The following SMARCC1 variants were observed in gnomAD, a reference collection of about 807,000 sequenced individuals.
The protein encoded by SMARCC1 is SWI/SNF complex subunit SMARCC1.
A neutral mutation model predicts 147.4 loss-of-function variants in SMARCC1; 43 were observed. The ratio of observed to expected loss-of-function variants is 0.29; its 90% CI spans 0.23 to 0.38. The LOEUF (loss-of-function observed/expected upper bound fraction) is 0.38, where lower values mean the gene tolerates loss of function less well. Ranked by LOEUF, SMARCC1 falls within the 10% of genes least tolerant of loss-of-function variation. The pLI, the probability that SMARCC1 is intolerant of heterozygous loss-of-function variation, is 1.00. For synonymous variants in SMARCC1, 495 were observed against 484.4 expected, an observed-to-expected ratio of 1.02 and a Z score of -0.29; for missense variants, 1,119 against 1,381.1, an observed-to-expected ratio of 0.81 and a Z score of 3.01.
chr3:47,736,610 G>C (rs948544083), intron 4 of SMARCC1, among the ~76,000 whole-genome samples: 3 of 151,716 alleles, frequency 2.0e-5, no homozygotes, highest in African/African-American at 7.3e-5. Context: ...CGGGAGGTTG[G>C]AGCTTGCAGT....
intron 4 of SMARCC1, among the ~76,000 whole-genome samples, chr3:47,737,566 T>C (rs2034458601): frequency 6.6e-6 from 1 of 152,038 alleles, no homozygotes; most frequent in South Asian, 2.1e-4. Context: ...AATAAAACAA[T>C]ACCTTTCAGA....
chr3:47,606,999 G>A (rs2032486690), intron 26 of SMARCC1, among the ~76,000 whole-genome samples: 1 of 151,940 alleles, frequency 6.6e-6, no homozygotes, highest in Non-Finnish European at 1.5e-5. Context: ...AATGGTGTGA[G>A]CCACCAAGCC....
intron 8 of SMARCC1, among the ~76,000 whole-genome samples, chr3:47,714,045 C>T (rs934524016): frequency 2.0e-5 from 3 of 152,182 alleles, no homozygotes; most frequent in African/African-American, 7.2e-5. Flanking sequence ...TAGAAAACAG[C>T]TGAGAAGAGC....
chr3:47,728,839 A>G (rs1178950762), intron 6 of SMARCC1, among the ~76,000 whole-genome samples, 186 bp downstream of exon 6: 3 of 152,162 alleles, frequency 2.0e-5, no homozygotes, highest in Admixed American at 1.3e-4. Context: ...TGAACCCGGG[A>G]GGTGGAGGTG....
intron 21 of SMARCC1, 74 bp downstream of exon 21, chr3:47,661,220 C>T: frequency 7.6e-7 from 1 of 1,322,522 alleles, no homozygotes; most frequent in Non-Finnish European, 1.0e-6. Flanking sequence ...TGCAAGTAAA[C>T]CCAATTATTT....
intron 13 of SMARCC1, 110 bp from the exon 14 acceptor site, chr3:47,686,280 C>A (rs969866775): frequency 2.4e-6 from 2 of 836,596 alleles, no homozygotes; most frequent in South Asian, 3.7e-5. Flanking sequence ...CTCCCCGATT[C>A]GATCAGATAT....
At chr3:47,730,424 T>C (rs982435858) in intron 5 of SMARCC1, among the ~76,000 whole-genome samples, 1 of 152,104 alleles carries the variant, frequency 6.6e-6, no homozygotes, top group African/African-American at 2.4e-5. Flanking sequence ...AAGGTTGCAG[T>C]GAACTATGAT....
intron 8 of SMARCC1, among the ~76,000 whole-genome samples, chr3:47,713,589 C>T (rs939998760): frequency 6.6e-6 from 1 of 151,754 alleles, no homozygotes; most frequent in Non-Finnish European, 1.5e-5. Flanking sequence ...TGACATTATG[C>T]TCAGATAATT....
Position 47,676,569 on chromosome 3 carries a change from T to C in SMARCC1, c.1725+60A>G, listed in dbSNP as rs2033576946. The C allele has an allele frequency of 2.5e-6, 3 of 1,197,866 alleles. No individual in the cohort carries two copies. In the South Asian group the frequency reaches 3.8e-5, roughly 15 times the overall value. 74.2% of individuals were successfully genotyped at this position (1,197,866 alleles called of 1,614,324 possible). ...ATAATAATAATTGTTTCTAAATAGA[T>C]ATGCTATAAATGGCCATTTGTTACT... On this transcript the variant is annotated intron_variant, in intron 17 of 27. Coordinates refer to ENST00000254480, the MANE Select transcript of SMARCC1 (RefSeq NM_003074.4).
Position 47,736,064 on chromosome 3 carries a change from G to A in SMARCC1, c.546C>T (p.Asn182=), listed in dbSNP as rs967302198. ...LIPDIDLKLA[N]KLKDIIKRHQ... ...GTCGTTTGATGATATCTTTCAATTT[G>A]TTAGCCAACTTCAGATCAATGTCTG... The change falls in exon 5 of 28, where the codon AAC becomes AAT. Residue 182 remains asparagine (N), a synonymous_variant. Coordinates refer to ENST00000254480, the MANE Select transcript of SMARCC1 (RefSeq NM_003074.4). 6.3e-7 allele frequency: 1 copy of A among 1,596,164 alleles called. No individual in the cohort carries two copies. The highest frequency in any genetic ancestry group is 8.6e-7 in the Non-Finnish European group (1 of 1,168,380).
At chr3:47,695,583 G>A (rs149888675) in intron 11 of SMARCC1, among the ~76,000 whole-genome samples, 67 of 145,104 alleles carry the variant, frequency 4.6e-4, no homozygotes, top group African/African-American at 1.6e-3. Flanking sequence ...CCTGGCCAAC[G>A]TGGTGAAACC....
chr3:47,748,744 A>AT (rs1276692310), intron 2 of SMARCC1, among the ~76,000 whole-genome samples: 1 of 152,184 alleles, frequency 6.6e-6, no homozygotes, highest in Non-Finnish European at 1.5e-5. Flanking sequence ...ACACCCATGC[A>AT]TTTTTTTCTC....
intron 24 of SMARCC1, among the ~76,000 whole-genome samples, chr3:47,629,661 G>A (rs1161645183): frequency 1.3e-5 from 2 of 152,112 alleles, no homozygotes; most frequent in Admixed American, 1.3e-4. Flanking sequence ...TTCTTAGAAA[G>A]GATGTATAGA....
intron 11 of SMARCC1, among the ~76,000 whole-genome samples, chr3:47,700,978 T>C (rs117282085): frequency 1.3e-5 from 2 of 152,332 alleles, no homozygotes; most frequent in East Asian, 1.9e-4. Flanking sequence ...AGTTAAACTA[T>C]ATATAGGTAC....
At chr3:47,733,843 G>A (rs868739143) in intron 5 of SMARCC1, among the ~76,000 whole-genome samples, 3 of 131,826 alleles carry the variant, frequency 2.3e-5, no homozygotes, top group Admixed American at 8.7e-5. Context: ...CAGCCTGGGC[G>A]ACACAGCGAG....
intron 14 of SMARCC1, among the ~76,000 whole-genome samples, chr3:47,684,186 G>C (rs1279794027): frequency 6.8e-6 from 1 of 147,684 alleles, no homozygotes; most frequent in Non-Finnish European, 1.5e-5. Context: ...CTTGCAGTGA[G>C]CCGAGATCCC....
intron 20 of SMARCC1, among the ~76,000 whole-genome samples, chr3:47,661,989 G>T (rs1319274473): frequency 2.2e-5 from 3 of 135,010 alleles, no homozygotes; most frequent in Non-Finnish European, 4.8e-5. Context: ...TAAAAATTTT[G>T]TAATACTTTT....
rs773745845 is a variant in SMARCC1, at chr3:47,622,136, T to C, written c.2781+71A>G. The C allele has an allele frequency of 1.5e-4, 198 of 1,358,032 alleles. No homozygotes were observed. The highest frequency in any genetic ancestry group is 2.5e-4 in the African/African-American group (17 of 67,886). 84.1% of individuals were successfully genotyped at this position (1,358,032 alleles called of 1,614,324 possible). A position where few individuals can be genotyped will look rare whatever the true frequency, so the allele number is the denominator to read the frequency against. ...AGAGAACAGGCTACCATTTATTTTATCTAACTTGTTTTGTGAAAAGTGACC... is the reference window on the plus strand; with the variant it reads ...AGAGAACAGGCTACCATTTATTTTACCTAACTTGTTTTGTGAAAAGTGACC... On this transcript the variant is annotated intron_variant, in intron 25 of 27. Transcript: ENST00000254480.
At chr3:47,662,704 T>C (rs2033363452) in intron 19 of SMARCC1, 112 bp from the exon 20 acceptor site, 3 of 823,408 alleles carry the variant, frequency 3.6e-6, no homozygotes, top group Non-Finnish European at 3.9e-6. Flanking sequence ...TATTTATGCA[T>C]AAATAGAAAG....
Sources: gnomAD v4.1 joint callset for allele counts (sites outside exome capture counted in the v4.1 genomes callset) on GRCh38, gnomAD v4.1.1 for gene constraint, MANE v1.5 for transcripts, NCBI Gene and HGNC (gene_info 2026-07-23, HGNC 2026-07-21) for gene names.